Variants in KRT75 observed in about 807,000 individuals in gnomAD.
The protein encoded by KRT75 is keratin 75.
Under a neutral mutation model 48.8 loss-of-function variants are expected in KRT75, and 35 were observed. That is an observed-to-expected ratio of 0.72 (90% CI 0.55 to 0.95). KRT75 has a LOEUF of 0.95. KRT75 is among the 40% of genes least tolerant of loss of function. The pLI is 0.00. For synonymous variants in KRT75, 301 were observed against 282.3 expected (o/e 1.07, Z -0.66); for missense variants, 776 against 709.9 (o/e 1.09, Z -1.06).
At chr12:52,425,861 C>G (rs1269720686) in intron 8 of KRT75, among the ~76,000 whole-genome samples, 1 of 152,184 alleles carries the variant, frequency 6.6e-6, no homozygotes, top group Non-Finnish European at 1.5e-5. Context: ...AACCACCTGA[C>G]TGGTGGTACT....
chr12:52,428,460 G>T lies in KRT75; in HGVS notation c.1178C>A (p.Thr393Lys), dbSNP rs147779554. ...CCGCTGCTCTGCATCAGCAATGGCC[G>T]TTTGCAAGCTGGAACACTGTAAGGA... The part of the protein sequence containing the change: ...SVKKQCSSLQ[T>K]AIADAEQRGE... Residue 393 changes from threonine to lysine, a missense_variant, in exon 7 of 9, where the codon ACG becomes AAG. Transcript: ENST00000252245. 5.6e-5 allele frequency: 90 copies of T among 1,613,538 alleles called. No individual in the cohort carries two copies. Among genetic ancestry groups the T allele is most frequent in the Non-Finnish European group, 7.5e-5 (88 of 1,179,728 alleles).
Position 52,431,998 on chromosome 12 carries a change from C to G in KRT75, c.774+8G>C. 3 of 1,613,926 alleles carry G rather than the reference C, an allele frequency of 1.9e-6. No individual in the cohort carries two copies. Among genetic ancestry groups the G allele is most frequent in the Admixed American group, 1.7e-5 (1 of 60,026 alleles). On this transcript the variant is annotated splice_region_variant and intron_variant, in intron 3 of 8. Coordinates refer to ENST00000252245, the MANE Select transcript of KRT75 (RefSeq NM_004693.3). ...ACCTTCTCCTTTGAGAGAAACATCCCCACTCACCTTTTTCAGGGCTACAAA... is the reference window on the plus strand; with the variant it reads ...ACCTTCTCCTTTGAGAGAAACATCCGCACTCACCTTTTTCAGGGCTACAAA...
In KRT75 at chr12:52,428,465, C is replaced by A. The variant is rs750929816; in HGVS notation, c.1173G>T (p.Leu391Phe). 25 of 1,613,556 alleles carry A rather than the reference C, an allele frequency of 1.5e-5. No individual in the cohort carries two copies. The highest frequency in any genetic ancestry group is 2.1e-5 in the Non-Finnish European group (25 of 1,179,704). Reference protein sequence around the residue: ...IDSVKKQCSSLQTAIADAEQR... With the variant: ...IDSVKKQCSSFQTAIADAEQR... ...GCTCTGCATCAGCAATGGCCGTTTG[C>A]AAGCTGGAACACTGTAAGGACAGGA... The change falls in exon 7 of 9, where the codon TTG (leucine) becomes TTT (phenylalanine). Residue 391 changes from leucine (L) to phenylalanine (F), a missense_variant. Transcript: ENST00000252245.
At chr12:52,428,543 G>A in intron 6 of KRT75, 67 bp from the exon 7 acceptor site, 1 of 1,613,386 alleles carries the variant, frequency 6.2e-7, no homozygotes, top group African/African-American at 1.3e-5. Context: ...TTCTTGGGGA[G>A]GAGTTCTTAA....
At position 52,434,182 on chromosome 12, in the gene KRT75, T is replaced by G. The variant is rs762244096; in HGVS notation, c.123A>C (p.Ala41=). Residue 41 remains alanine (A), a synonymous_variant, in exon 1 of 9, where the codon GCA becomes GCC. Transcript: ENST00000252245. ...RFSSVSVARS[A]AGSGGLGRIS... is the part of the protein sequence containing the mutation. ...TCCTTCCCAGGCCCCCACTCCCTGC[T>G]GCAGAGCGGGCCACAGAGACAGAGC... is the stretch of plus-strand genomic sequence containing the variant. 1.2e-5 allele frequency: 20 copies of G among 1,611,116 alleles called. No homozygotes were observed. In the South Asian group the frequency reaches 2.2e-4, roughly 18 times the overall value.
intron 8 of KRT75, 72 bp downstream of exon 8, chr12:52,426,745 G>C (rs1443879944): frequency 6.8e-7 from 1 of 1,459,994 alleles, no homozygotes; most frequent in Non-Finnish European, 9.6e-7. Context: ...TTCACCCTCT[G>C]GCAAGCCCAC....
chr12:52,428,266 C>G lies in KRT75; in HGVS notation c.1372G>C (p.Glu458Gln). 6.2e-7 allele frequency: 1 copy of G among 1,613,992 alleles called. No homozygotes were observed. The highest frequency in any genetic ancestry group is 8.5e-7 in the Non-Finnish European group (1 of 1,180,030). Reference protein sequence around the residue: ...IATYRKLLEGEECRLSGEGVS... With the variant: ...IATYRKLLEGQECRLSGEGVS... ...GTGCATCTGCCTCACCTGCACTCCT[C>G]GCCTTCCAGCAGCTTGCGGTAGGTG... Residue 458 changes from glutamate to glutamine, a missense_variant, in exon 7 of 9, where the codon GAG becomes CAG. Coordinates refer to ENST00000252245, the MANE Select transcript of KRT75 (RefSeq NM_004693.3).
At chr12:52,431,731 T>A (rs1362709326) in intron 3 of KRT75, 93 bp from the exon 4 acceptor site, 5 of 1,060,844 alleles carry the variant, frequency 4.7e-6, no homozygotes, top group Non-Finnish European at 7.3e-6. Context: ...GCCCATCTAG[T>A]TTGGATTTTA....
In KRT75 at chr12:52,426,681, C is replaced by T. The variant is rs560752014; in HGVS notation, c.1417+136G>A. ...TTGCTTTTTAAGGGACCCAAAACCT[C>T]AAACCTTCTCCAAATGAACGCTGTC... is the stretch of plus-strand genomic sequence containing the variant. On this transcript the variant is annotated intron_variant, in intron 8 of 8. Transcript: ENST00000252245. 7.5e-6 allele frequency: 7 copies of T among 938,924 alleles called. No homozygotes were observed. In the East Asian group the frequency reaches 1.4e-4, roughly 19 times the overall value. 58.2% of individuals were successfully genotyped at this position (938,924 alleles called of 1,614,324 possible).
intron 8 of KRT75, 101 bp downstream of exon 8, chr12:52,426,716 C>T: frequency 8.4e-7 from 1 of 1,190,944 alleles, no homozygotes; most frequent in Non-Finnish European, 1.3e-6. Context: ...CTGTGAGATC[C>T]CGTCTAACCC....
Position 52,433,997 on chromosome 12 carries a change from C to T in KRT75, c.308G>A (p.Gly103Glu), listed in dbSNP as rs373188385. 2.7e-5 allele frequency: 44 copies of T among 1,614,046 alleles called. No homozygotes were observed. Among genetic ancestry groups the T allele is most frequent in the Non-Finnish European group, 3.3e-5 (39 of 1,180,018 alleles). The change falls in exon 1 of 9, where the codon GGA becomes GAA. Residue 103 changes from glycine to glutamate, a missense_variant. Coordinates refer to ENST00000252245, the MANE Select transcript of KRT75 (RefSeq NM_004693.3). Reference protein sequence around the residue: ...GVNSGFGYGGGVGGGFSGPSF... With the variant: ...GVNSGFGYGGEVGGGFSGPSF... ...GGGGCCACTGAAGCCTCCTCCAACT[C>T]CACCCCCATAGCCAAATCCACTGTT... is the stretch of plus-strand genomic sequence containing the variant.
Position 52,430,065 on chromosome 12 carries a change from G to A in KRT75, c.1035+476C>T, listed in dbSNP as rs186180993. Among the ~76,000 whole-genome samples the A allele has an allele frequency of 7.1e-3, 1,082 of 152,148 alleles. 8 individuals carry two copies. The highest frequency in any genetic ancestry group is 0.016 in the Admixed American group (248 of 15,284). On this transcript the variant is annotated intron_variant, in intron 5 of 8. Coordinates refer to ENST00000252245, the MANE Select transcript of KRT75 (RefSeq NM_004693.3). ...CTTCCCAACTGTACAAAGCCCCCATGTCTTCCTGGAAGCTTTTTATTCATG... is the reference window on the plus strand; with the variant it reads ...CTTCCCAACTGTACAAAGCCCCCATATCTTCCTGGAAGCTTTTTATTCATG...
At chr12:52,432,088 T>C (rs1418467959) in intron 2 of KRT75, 22 bp from the exon 3 acceptor site, 1 of 1,613,514 alleles carries the variant, frequency 6.2e-7, no homozygotes, top group East Asian at 2.2e-5. Context: ...GAGCGGGGGG[T>C]GTGCTGTTGA....
chr12:52,431,981 C>A (rs745530583), intron 3 of KRT75, 25 bp downstream of exon 3: 10 of 1,612,570 alleles, frequency 6.2e-6, no homozygotes, highest in East Asian at 2.2e-5. Context: ...AAACCTTCTC[C>A]TTTGAGAGAA....
chr12:52,424,898 C>T (rs1004124778), intron 8 of KRT75, 143 bp from the exon 9 acceptor site: 3 of 732,788 alleles, frequency 4.1e-6, no homozygotes, highest in East Asian at 2.6e-5. Flanking sequence ...ATGTCCCCTG[C>T]TTAGTGAGAT....
Position 52,430,598 on chromosome 12 carries a change from T to C in KRT75, c.978A>G (p.Gln326=). 1 of 1,614,156 alleles carries C rather than the reference T, an allele frequency of 6.2e-7. No homozygotes were observed. The highest frequency in any genetic ancestry group is 8.5e-7 in the Non-Finnish European group (1 of 1,180,020). The part of the protein sequence containing the change: ...LDSIIAEVKA[Q]YEDIANRSRA... The stretch of plus-strand genomic sequence containing the variant: ...GGCTGCGGTTGGCAATGTCCTCGTA[T>C]TGTGCTTTGACCTCGGCGATGATAC... Residue 326 remains glutamine (Q), a synonymous_variant, in exon 5 of 9, where the codon CAA becomes CAG. Coordinates refer to ENST00000252245, the MANE Select transcript of KRT75 (RefSeq NM_004693.3).
chr12:52,429,280 A>G (rs143661233), intron 5 of KRT75, among the ~76,000 whole-genome samples: 393 of 152,278 alleles, frequency 2.6e-3, no homozygotes, highest in African/African-American at 8.7e-3. Flanking sequence ...GTAGCCCTCC[A>G]AACACCAGTG....
Position 52,433,154 on chromosome 12 carries a change from G to C in KRT75, c.597C>G (p.Leu199=). 6.2e-7 allele frequency: 1 copy of C among 1,614,004 alleles called. No individual in the cohort carries two copies. The highest frequency in any genetic ancestry group is 1.3e-5 in the African/African-American group (1 of 74,964). Residue 199 remains leucine (L), a synonymous_variant, in exon 2 of 9, where the codon CTC becomes CTG. Transcript: ENST00000252245. The part of the protein sequence containing the change: ...SRTVRQNLEP[L]FDSYTSELRR... ...GGAGCTCACTGGTATAGGAATCAAA[G>C]AGGGGCTCTAGGTTCTGCCTCACAG...
At position 52,428,474 on chromosome 12, in the gene KRT75, A is replaced by G. The variant is rs401926; in HGVS notation, c.1164T>C (p.Cys388=). ...CAGCAATGGCCGTTTGCAAGCTGGA[A>G]CACTGTAAGGACAGGAGGAAGCCAT... ...RAEIDSVKKQ[C]SSLQTAIADA... is the part of the protein sequence containing the mutation. Residue 388 remains cysteine, a splice_region_variant and synonymous_variant, in exon 7 of 9, where the codon TGT becomes TGC. Transcript: ENST00000252245. The G allele has an allele frequency of 0.59, 950,826 of 1,611,894 alleles. 282,422 individuals are homozygous for G. Among genetic ancestry groups the G allele is most frequent in the East Asian group, 0.71 (32,014 of 44,806 alleles).
Sources: gnomAD v4.1 joint callset for allele counts (sites outside exome capture counted in the v4.1 genomes callset) on GRCh38, gnomAD v4.1.1 for gene constraint, MANE v1.5 for transcripts, NCBI Gene and HGNC (gene_info 2026-07-23, HGNC 2026-07-21) for gene names.